PLCZ1: variants seen among roughly 807,000 people sequenced by gnomAD.
PLCZ1 encodes the protein phospholipase C zeta 1, also known as 1-phosphatidylinositol 4,5-bisphosphate phosphodiesterase zeta-1.
PLCZ1 carries 64 observed loss-of-function variants against 76.8 expected under a neutral mutation model. The observed-to-expected ratio is 0.83, with a 90% CI of 0.68 to 1.03. The LOEUF is 1.03. Ranked by LOEUF, PLCZ1 falls within the 50% of genes least tolerant of loss-of-function variation. PLCZ1 has a pLI of 0.00. For missense variants in PLCZ1, 751 were observed against 713.7 expected (o/e 1.05, Z -0.60); for synonymous variants, 248 against 230.8 (o/e 1.07, Z -0.68).
intron 12 of PLCZ1, among the ~76,000 whole-genome samples, chr12:18,688,520 C>T (rs1218550718): frequency 2.6e-5 from 4 of 151,036 alleles, no homozygotes; most frequent in African/African-American, 9.7e-5. Flanking sequence ...GAATTCAGGT[C>T]GAGTTACTCT....
At chr12:18,676,963 A>G in the PLCZ1 span, among the ~76,000 whole-genome samples, 1 of 152,178 alleles carries the variant, frequency 6.6e-6, no homozygotes, top group Non-Finnish European at 1.5e-5. Flanking sequence ...ATTTCCCAGA[A>G]CATCTGGTTC....
chr12:18,648,024 T>C, the PLCZ1 span: 1 of 1,586,218 alleles, frequency 6.3e-7, no homozygotes, highest in African/African-American at 1.4e-5. Context: ...AACAGTATAA[T>C]TTGACCATTG....
In PLCZ1 at chr12:18,719,637, AAAAAT is replaced by A. The variant is rs771278013; in HGVS notation, c.368-10_368-6del. The A allele has an allele frequency of 6.4e-6, 10 of 1,574,750 alleles. No individual in the cohort carries two copies. Among genetic ancestry groups the A allele is most frequent in the South Asian group, 2.3e-5 (2 of 85,612 alleles). On this transcript the variant is annotated splice_region_variant and splice_polypyrimidine_tract_variant and intron_variant, in intron 4 of 14. Coordinates refer to ENST00000266505, the MANE Select transcript of PLCZ1 (RefSeq NM_033123.4). ...ACATTTGGTGTGCTTTCCTAACTAA[AAAAAT>A]AAAATAAAATAAGTTAAAAGGATGC...
At chr12:18,659,579 G>A in the PLCZ1 span, among the ~76,000 whole-genome samples, 5 of 151,420 alleles carry the variant, frequency 3.3e-5, no homozygotes, top group Admixed American at 6.6e-5. Flanking sequence ...ATTTTATAGT[G>A]AAAGGATATC....
At chr12:18,692,705 G>T in intron 12 of PLCZ1, 1 of 764,090 alleles carries the variant, frequency 1.3e-6, no homozygotes, top group South Asian at 1.6e-5. Flanking sequence ...ATCAAATACA[G>T]ACTTTGAATC....
the PLCZ1 span, among the ~76,000 whole-genome samples, chr12:18,654,894 G>A: frequency 6.6e-6 from 1 of 152,138 alleles, no homozygotes; most frequent in African/African-American, 2.4e-5. Flanking sequence ...AAATGTTTTG[G>A]TCAGAGAGTG....
At chr12:18,690,698 C>T (rs1953934605) in intron 12 of PLCZ1, among the ~76,000 whole-genome samples, 1 of 152,068 alleles carries the variant, frequency 6.6e-6, no homozygotes, top group Non-Finnish European at 1.5e-5. Flanking sequence ...AAAATGCTTT[C>T]AAAAAGACAT....
At chr12:18,681,699 AAT>A (rs1258152539), downstream of PLCZ1, among the ~76,000 whole-genome samples, 1 of 152,096 alleles carries the variant, frequency 6.6e-6, no homozygotes, top group African/African-American at 2.4e-5. Flanking sequence ...CCGTATTCCT[AAT>A]ATAGAGTGGA....
chr12:18,694,632 C>T (rs1394743117), intron 12 of PLCZ1, among the ~76,000 whole-genome samples: 1 of 151,974 alleles, frequency 6.6e-6, no homozygotes. Flanking sequence ...ATATTAAATG[C>T]CTAAATACAA....
chr12:18,671,792 C>G, the PLCZ1 span, among the ~76,000 whole-genome samples: 3 of 152,076 alleles, frequency 2.0e-5, no homozygotes, highest in African/African-American at 7.2e-5. Flanking sequence ...AAATATCATC[C>G]ATGGAGGGGC....
At chr12:18,707,684 C>T (rs558906232) in intron 6 of PLCZ1, among the ~76,000 whole-genome samples, 1 of 152,050 alleles carries the variant, frequency 6.6e-6, no homozygotes, top group Non-Finnish European at 1.5e-5. Flanking sequence ...CTTCCCTAGT[C>T]ATAATTATTG....
At chr12:18,658,813 T>C in the PLCZ1 span, among the ~76,000 whole-genome samples, 3 of 152,174 alleles carry the variant, frequency 2.0e-5, no homozygotes, top group African/African-American at 7.2e-5. Flanking sequence ...TTTACTACAA[T>C]AGAATCTAAT....
At chr12:18,665,619 C>G in the PLCZ1 span, among the ~76,000 whole-genome samples, 1 of 152,052 alleles carries the variant, frequency 6.6e-6, no homozygotes, top group African/African-American at 2.4e-5. Context: ...ATAGTGAAAC[C>G]CTGTCTGTAC....
At chr12:18,677,798 T>C in the PLCZ1 span, among the ~76,000 whole-genome samples, 21 of 152,232 alleles carry the variant, frequency 1.4e-4, no homozygotes, top group African/African-American at 4.8e-4. Context: ...AACATGTAGA[T>C]AGATCTAAAA....
the PLCZ1 span, among the ~76,000 whole-genome samples, chr12:18,660,892 G>A: frequency 1.3e-5 from 2 of 151,946 alleles, no homozygotes. Context: ...AGTCAAAGAA[G>A]TAAAGGAAGA....
chr12:18,705,521 C>T (rs978641266), intron 6 of PLCZ1, among the ~76,000 whole-genome samples: 5 of 152,066 alleles, frequency 3.3e-5, no homozygotes, highest in African/African-American at 7.2e-5. Context: ...TTACTATTTG[C>T]ACCAAAAGAA....
chr12:18,690,983 G>A (rs774326754), intron 12 of PLCZ1, among the ~76,000 whole-genome samples: 6 of 152,062 alleles, frequency 3.9e-5, no homozygotes, highest in Non-Finnish European at 5.9e-5. Flanking sequence ...AAATCTCTCC[G>A]GTCAACTTGT....
chr12:18,732,600 A>G (rs887636349), intron 3 of PLCZ1, among the ~76,000 whole-genome samples: 7 of 152,170 alleles, frequency 4.6e-5, no homozygotes, highest in Non-Finnish European at 8.8e-5. Context: ...AACAGAAACT[A>G]TACCCTTTGA....
chr12:18,672,375 T>A, the PLCZ1 span, among the ~76,000 whole-genome samples: 1 of 152,178 alleles, frequency 6.6e-6, no homozygotes, highest in African/African-American at 2.4e-5. Context: ...TTACTTTTAC[T>A]CATTATGTTA....
Sources: allele counts gnomAD v4.1 joint callset (sites outside exome capture counted in the v4.1 genomes callset), GRCh38; gene constraint gnomAD v4.1.1; transcripts MANE v1.5; gene names NCBI Gene and HGNC (gene_info 2026-07-23, HGNC 2026-07-21).